LAPTM4B: variants seen among roughly 807,000 people sequenced by gnomAD.
The protein encoded by LAPTM4B is lysosomal-associated transmembrane protein 4B.
LAPTM4B carries 26 observed loss-of-function variants against 28.5 expected under a neutral mutation model. The observed-to-expected ratio is 0.91, with a 90% CI of 0.67 to 1.27. LAPTM4B has a LOEUF of 1.27. Among genes scored for constraint, LAPTM4B ranks in the 50% most tolerant of loss-of-function variants. The pLI is 0.00. For synonymous variants in LAPTM4B, 109 were observed against 106.4 expected (o/e 1.02, Z -0.15); for missense variants, 288 against 285.8 (o/e 1.01, Z -0.06).
At chr8:97,800,988 C>T (rs781307965) in intron 1 of LAPTM4B, among the ~76,000 whole-genome samples, 2 of 152,138 alleles carry the variant, frequency 1.3e-5, no homozygotes, top group Admixed American at 6.5e-5. Flanking sequence ...AGTAGCCCTA[C>T]GGGACCCCAG....
intron 6 of LAPTM4B, among the ~76,000 whole-genome samples, chr8:97,844,548 C>G (rs896285001): frequency 3.9e-5 from 6 of 152,124 alleles, no homozygotes; most frequent in African/African-American, 1.4e-4. Flanking sequence ...TTGGGTACTT[C>G]TAGATTACGT....
intron 1 of LAPTM4B, among the ~76,000 whole-genome samples, chr8:97,795,937 C>A (rs1816574513): frequency 6.6e-6 from 1 of 151,860 alleles, no homozygotes; most frequent in Admixed American, 6.6e-5. Flanking sequence ...CCAATCACAC[C>A]TCCTCTTGAT....
In LAPTM4B at chr8:97,785,889, C is replaced by T. The variant is rs111541732; in HGVS notation, c.99+9781C>T. ...TGGGCCTGATAATAAAGACTTGCAT[C>T]CCTCAGATAAAAGTTATTTTCTCAG... On this transcript the variant is annotated intron_variant, in intron 1 of 6. Coordinates refer to ENST00000521545, the MANE Select transcript of LAPTM4B (RefSeq NM_018407.6). Among the ~76,000 whole-genome samples the T allele has an allele frequency of 7.6e-3, 1,158 of 152,268 alleles. 19 individuals carry two copies. Among genetic ancestry groups the T allele is most frequent in the African/African-American group, 0.026 (1,071 of 41,538 alleles).
intron 6 of LAPTM4B, among the ~76,000 whole-genome samples, chr8:97,844,107 G>A (rs1253593192): frequency 1.3e-5 from 2 of 150,676 alleles, no homozygotes; most frequent in African/African-American, 4.9e-5. Context: ...GGGGGAGCAG[G>A]ATGGGGAGAG....
At chr8:97,801,018 C>G (rs1816667915) in intron 1 of LAPTM4B, among the ~76,000 whole-genome samples, 1 of 152,050 alleles carries the variant, frequency 6.6e-6, no homozygotes, top group South Asian at 2.1e-4. Context: ...GTACGACTTC[C>G]TCACCTTTCC....
At chr8:97,836,339 C>G (rs1817259964) in intron 6 of LAPTM4B, among the ~76,000 whole-genome samples, 1 of 152,078 alleles carries the variant, frequency 6.6e-6, no homozygotes, top group South Asian at 2.1e-4. Context: ...TGCCACCATG[C>G]CTGGCTAATT....
At chr8:97,786,673 C>T (rs1168025157) in intron 1 of LAPTM4B, among the ~76,000 whole-genome samples, 30 of 148,950 alleles carry the variant, frequency 2.0e-4, no homozygotes, top group African/African-American at 6.9e-4. Context: ...CACTCCAGCC[C>T]GGGCAACAGA....
At chr8:97,825,193 C>T in intron 6 of LAPTM4B, 40 bp downstream of exon 6, 2 of 1,040,328 alleles carry the variant, frequency 1.9e-6, no homozygotes, top group South Asian at 1.3e-5. Flanking sequence ...CTCGCCCACA[C>T]CTTTACTGTA....
At chr8:97,779,735 G>A (rs1157217561) in intron 1 of LAPTM4B, among the ~76,000 whole-genome samples, 1 of 149,444 alleles carries the variant, frequency 6.7e-6, no homozygotes, top group Non-Finnish European at 1.5e-5. Context: ...CAGCCTGGGT[G>A]ACAGCAAGAC....
chr8:97,807,257 A>G (rs911725037), intron 2 of LAPTM4B, among the ~76,000 whole-genome samples: 1 of 152,128 alleles, frequency 6.6e-6, no homozygotes, highest in Non-Finnish European at 1.5e-5. Flanking sequence ...TTATAACCAC[A>G]TGATTTAAAC....
chr8:97,777,941 C>G (rs1313032947), intron 1 of LAPTM4B, among the ~76,000 whole-genome samples: 2 of 152,186 alleles, frequency 1.3e-5, no homozygotes, highest in Non-Finnish European at 2.9e-5. Flanking sequence ...CATCAGAGAA[C>G]GTAATTTGTA....
chr8:97,834,575 G>A (rs1817233909), intron 6 of LAPTM4B, among the ~76,000 whole-genome samples: 2 of 152,024 alleles, frequency 1.3e-5, no homozygotes, highest in Admixed American at 1.3e-4. Context: ...GTGTTTATGT[G>A]TGTGTGTTTG....
At chr8:97,777,710 G>A (rs1363300369) in intron 1 of LAPTM4B, among the ~76,000 whole-genome samples, 1 of 152,182 alleles carries the variant, frequency 6.6e-6, no homozygotes, top group African/African-American at 2.4e-5. Context: ...TAGCGTGTGT[G>A]GGTTCTTACT....
At chr8:97,829,217 G>T (rs925695345) in intron 6 of LAPTM4B, among the ~76,000 whole-genome samples, 1 of 152,142 alleles carries the variant, frequency 6.6e-6, no homozygotes, top group Admixed American at 6.5e-5. Context: ...ATAAGAAAGC[G>T]CTTGGTATCT....
At chr8:97,823,790 C>T (rs985548423) in intron 5 of LAPTM4B, among the ~76,000 whole-genome samples, 7 of 151,490 alleles carry the variant, frequency 4.6e-5, no homozygotes, top group African/African-American at 1.7e-4. Context: ...TGCCACCTCC[C>T]GGGTTCAAGC....
At chr8:97,844,146 C>G (rs1346001870) in intron 6 of LAPTM4B, among the ~76,000 whole-genome samples, 1 of 152,042 alleles carries the variant, frequency 6.6e-6, no homozygotes, top group Non-Finnish European at 1.5e-5. Flanking sequence ...GGCTGGAGTG[C>G]AGTGGCATGA....
At chr8:97,849,352 G>T (rs1586349147) in intron 6 of LAPTM4B, among the ~76,000 whole-genome samples, 2 of 152,164 alleles carry the variant, frequency 1.3e-5, no homozygotes, top group African/African-American at 4.8e-5. Flanking sequence ...CATGTTTTCA[G>T]GTTCAAGTCG....
At chr8:97,828,999 G>A (rs1461298294) in intron 6 of LAPTM4B, among the ~76,000 whole-genome samples, 2 of 152,164 alleles carry the variant, frequency 1.3e-5, no homozygotes, top group African/African-American at 4.8e-5. Context: ...TAGCAGGGAG[G>A]CACATGTAGG....
intron 2 of LAPTM4B, among the ~76,000 whole-genome samples, chr8:97,806,537 A>G (rs1563608682): frequency 6.6e-6 from 1 of 152,308 alleles, no homozygotes; most frequent in East Asian, 1.9e-4. Flanking sequence ...TAATTTCAGT[A>G]ACTAGCTGAG....
Sources: gnomAD v4.1 joint callset for allele counts (sites outside exome capture counted in the v4.1 genomes callset) on GRCh38, gnomAD v4.1.1 for gene constraint, MANE v1.5 for transcripts, NCBI Gene and HGNC (gene_info 2026-07-23, HGNC 2026-07-21) for gene names.